CUX1: variants seen among roughly 807,000 people sequenced by gnomAD.
CUX1 encodes the protein protein CASP.
CUX1 carries 31 observed loss-of-function variants against 158.8 expected under a neutral mutation model. The ratio of observed to expected loss-of-function variants is 0.20; its 90% confidence interval spans 0.15 to 0.26. CUX1 has a LOEUF of 0.26. CUX1 is among the 10% of genes least tolerant of loss of function. CUX1 has a pLI of 1.00. For synonymous variants in CUX1, 879 were observed against 862.1 expected, an observed-to-expected ratio of 1.02 and a Z score of -0.34; for missense variants, 1,589 against 2,014.6, an observed-to-expected ratio of 0.79 and a Z score of 4.04.
chr7:101,985,556 A>G (rs1814189276), intron 2 of CUX1, among the ~76,000 whole-genome samples: 1 of 152,222 alleles, frequency 6.6e-6, no homozygotes, highest in Admixed American at 6.5e-5. Flanking sequence ...ACTTGTTGCC[A>G]GATTTTTGCA....
At chr7:102,234,723 C>T (rs2132438271) in intron 22 of CUX1, among the ~76,000 whole-genome samples, 1 of 149,016 alleles carries the variant, frequency 6.7e-6, no homozygotes, top group East Asian at 2.0e-4. Context: ...AGTTCAAGAC[C>T]AGCCTGGCCA....
chr7:102,111,353 C>A (rs1473355169), intron 6 of CUX1, among the ~76,000 whole-genome samples: 4 of 152,088 alleles, frequency 2.6e-5, no homozygotes, highest in Non-Finnish European at 5.9e-5. Flanking sequence ...ATTCTTCTTG[C>A]GCTAACTTCA....
intron 8 of CUX1, among the ~76,000 whole-genome samples, chr7:102,132,282 TGA>T (rs1229139014): frequency 1.5e-5 from 2 of 133,798 alleles, no homozygotes; most frequent in East Asian, 4.0e-4. Flanking sequence ...GCAATATATA[TGA>T]GAGAGAGAGT....
At chr7:102,055,580 A>G (rs939848490) in intron 3 of CUX1, among the ~76,000 whole-genome samples, 61 of 152,206 alleles carry the variant, frequency 4.0e-4, no homozygotes, top group African/African-American at 1.3e-3. Context: ...TAATTGATAA[A>G]TATTGTGTGT....
intron 2 of CUX1, among the ~76,000 whole-genome samples, chr7:101,962,972 A>G (rs1028532239): frequency 6.6e-6 from 1 of 151,992 alleles, no homozygotes; most frequent in African/African-American, 2.4e-5. Flanking sequence ...CCTCCTCCCA[A>G]AGTGCTGGGA....
downstream of CUX1, among the ~76,000 whole-genome samples, chr7:102,263,219 T>C (rs1298360051): frequency 6.6e-6 from 1 of 150,680 alleles, no homozygotes; most frequent in Admixed American, 6.6e-5. Context: ...TTCACCACAT[T>C]GGCCAGGCTG....
At chr7:102,123,877 G>A (rs190429651) in intron 8 of CUX1, among the ~76,000 whole-genome samples, 9 of 152,014 alleles carry the variant, frequency 5.9e-5, no homozygotes, top group African/African-American at 1.4e-4. Flanking sequence ...TTACCTAGGC[G>A]GGTCTTGAAC....
intron 4 of CUX1, among the ~76,000 whole-genome samples, chr7:102,095,402 T>A (rs976729288): frequency 3.3e-5 from 5 of 152,104 alleles, no homozygotes; most frequent in Non-Finnish European, 5.9e-5. Flanking sequence ...AGAGATGCAA[T>A]TATAGGCTGT....
At chr7:102,202,756 A>C (rs1332522135) in intron 18 of CUX1, among the ~76,000 whole-genome samples, 1 of 152,184 alleles carries the variant, frequency 6.6e-6, no homozygotes, top group Non-Finnish European at 1.5e-5. Flanking sequence ...GAGGTCAAGC[A>C]ACCTGCCCGG....
intron 1 of CUX1, among the ~76,000 whole-genome samples, chr7:101,890,047 G>A (rs1477117335): frequency 1.3e-5 from 2 of 152,200 alleles, no homozygotes; most frequent in African/African-American, 4.8e-5. Flanking sequence ...GGGTGCCCCC[G>A]GGGATTTAGG....
At chr7:102,056,905 T>TG (rs1011938775) in intron 3 of CUX1, among the ~76,000 whole-genome samples, 2 of 79,814 alleles carry the variant, frequency 2.5e-5, no homozygotes, top group Admixed American at 1.4e-4. Context: ...TTTTGTTTTC[T>TG]GGTTTTTTTT....
intron 1 of CUX1, among the ~76,000 whole-genome samples, chr7:101,877,948 A>T (rs1424361057): frequency 2.6e-5 from 4 of 152,136 alleles, no homozygotes; most frequent in Non-Finnish European, 5.9e-5. Context: ...TGCAGGGGGA[A>T]GCCGATTTGC....
intron 2 of CUX1, among the ~76,000 whole-genome samples, chr7:102,006,102 G>T (rs189965331): frequency 4.0e-4 from 61 of 152,338 alleles, no homozygotes; most frequent in Admixed American, 2.5e-3. Flanking sequence ...CAGTGGGGCT[G>T]CAGGCATTCA....
At chr7:101,891,488 G>A (rs1250867742) in intron 1 of CUX1, among the ~76,000 whole-genome samples, 2 of 152,124 alleles carry the variant, frequency 1.3e-5, no homozygotes, top group African/African-American at 2.4e-5. Context: ...CCTCCCCAAA[G>A]TGCTAGGATT....
chr7:102,249,839 A>G lies in CUX1; in HGVS notation c.*797A>G, dbSNP rs141855041. 100 of 985,670 alleles carry G rather than the reference A, an allele frequency of 1.0e-4. No individual in the cohort carries two copies. In the Admixed American group the frequency reaches 4.6e-3, roughly 45 times the overall value. The allele number at this position is 985,670 out of a possible 1,614,324, so 61.1% of individuals were successfully genotyped here. A position where few individuals can be genotyped will look rare whatever the true frequency, so the allele number is the denominator to read the frequency against. Reference sequence around the variant, plus strand: ...TTCTCGTTTGAAACTTTGAATTAAAATAAAACACATTTACTCCACATATTT... The same window carrying G: ...TTCTCGTTTGAAACTTTGAATTAAAGTAAAACACATTTACTCCACATATTT... On this transcript the variant is annotated 3_prime_UTR_variant, in exon 24 of 24. Coordinates refer to ENST00000292535, the MANE Select transcript of CUX1 (RefSeq NM_181552.4).
intron 1 of CUX1, among the ~76,000 whole-genome samples, chr7:101,901,175 G>C (rs1416696546): frequency 6.6e-6 from 1 of 152,088 alleles, no homozygotes; most frequent in Non-Finnish European, 1.5e-5. Context: ...CTGCTTCCTA[G>C]GGCCCAGTAA....
intron 1 of CUX1, among the ~76,000 whole-genome samples, chr7:101,888,232 G>A (rs1182265570): frequency 6.6e-6 from 1 of 152,134 alleles, no homozygotes; most frequent in East Asian, 1.9e-4. Context: ...TCGGGAGGCT[G>A]AGGCAGGAGA....
chr7:101,853,584 G>GGTGTGTGTGTGTGTGTGTGT lies in CUX1; in HGVS notation c.30+35934_30+35953dup, dbSNP rs59324904. Reference sequence around the variant, plus strand: ...TATATCAGAGCATGGCAATAGAAAGGGTGTGTGTGTGTGTGTGTGTGTGTG... The same window carrying GGTGTGTGTGTGTGTGTGTGT: ...TATATCAGAGCATGGCAATAGAAAGGGTGTGTGTGTGTGTGTGTGTGTGTGTGTGTGTGTGTGTGTGTGTG... On this transcript the variant is annotated intron_variant, in intron 1 of 23. Coordinates refer to ENST00000292535, the MANE Select transcript of CUX1 (RefSeq NM_181552.4). Among the ~76,000 whole-genome samples the GGTGTGTGTGTGTGTGTGTGT allele has an allele frequency of 7.0e-3, 979 of 140,804 alleles. 24 individuals carry two copies. The highest frequency in any genetic ancestry group is 0.025 in the African/African-American group (933 of 36,652). 92.4% of individuals were successfully genotyped at this position (140,804 alleles called of 152,430 possible).
chr7:102,200,031 G>T, intron 16 of CUX1, 40 bp from the exon 17 acceptor site: 1 of 1,543,616 alleles, frequency 6.5e-7, no homozygotes, highest in Non-Finnish European at 8.8e-7. Context: ...TTTTGTCCGG[G>T]GTTTGGGTTT....
Sources: gnomAD v4.1 joint callset for allele counts (sites outside exome capture counted in the v4.1 genomes callset) on GRCh38, gnomAD v4.1.1 for gene constraint, MANE v1.5 for transcripts, NCBI Gene and HGNC (gene_info 2026-07-23, HGNC 2026-07-21) for gene names.